The following TRPM3 variants were observed in gnomAD, a reference collection of about 807,000 sequenced individuals.
The protein encoded by TRPM3 is long transient receptor potential channel 3.
Under a neutral mutation model 181.2 loss-of-function variants are expected in TRPM3, and 77 were observed. The observed-to-expected ratio is 0.42, with a 90% confidence interval of 0.35 to 0.51. TRPM3 has a LOEUF of 0.51. Among genes scored for constraint, TRPM3 ranks in the 20% least tolerant of loss-of-function variants. The pLI is 0.01. For missense variants in TRPM3, 1,759 were observed against 2,196.7 expected (o/e 0.80, Z 3.98); for synonymous variants, 745 against 796.4 (o/e 0.94, Z 1.09).
intron 1 of TRPM3, among the ~76,000 whole-genome samples, chr9:71,006,725 G>A (rs1015743683): frequency 1.3e-5 from 2 of 151,972 alleles, no homozygotes; most frequent in Non-Finnish European, 2.9e-5. Context: ...CAAAAAATTA[G>A]CCGGGCGTGG....
intron 1 of TRPM3, among the ~76,000 whole-genome samples, chr9:70,997,307 T>G (rs1037292278): frequency 6.6e-6 from 1 of 152,206 alleles, no homozygotes; most frequent in Non-Finnish European, 1.5e-5. Flanking sequence ...CACGCTATTC[T>G]GCCTCAGCCT....
chr9:71,424,294 T>C (rs2093825681), intron 1 of TRPM3, among the ~76,000 whole-genome samples: 1 of 152,166 alleles, frequency 6.6e-6, no homozygotes, highest in African/African-American at 2.4e-5. Flanking sequence ...CAAGCCATTT[T>C]GCGGCACTTT....
chr9:71,096,995 G>T (rs1402118272), intron 1 of TRPM3, among the ~76,000 whole-genome samples: 1 of 152,086 alleles, frequency 6.6e-6, no homozygotes, highest in African/African-American at 2.4e-5. Flanking sequence ...CAGAGAAGAA[G>T]GTGGGGGAAG....
intron 1 of TRPM3, among the ~76,000 whole-genome samples, chr9:71,277,280 C>T (rs2084288880): frequency 6.6e-6 from 1 of 152,166 alleles, no homozygotes; most frequent in African/African-American, 2.4e-5. Context: ...CGTGCTCAAG[C>T]TTGTCTGAAA....
intron 1 of TRPM3, among the ~76,000 whole-genome samples, chr9:70,893,928 A>G (rs1053939965): frequency 1.3e-5 from 2 of 152,224 alleles, no homozygotes; most frequent in Non-Finnish European, 2.9e-5. Context: ...TGAGGTAAGC[A>G]CAAATTTCTT....
intron 1 of TRPM3, among the ~76,000 whole-genome samples, chr9:71,310,730 C>T (rs780098842): frequency 2.0e-5 from 3 of 152,066 alleles, no homozygotes; most frequent in Non-Finnish European, 2.9e-5. Context: ...TTGGCTAATA[C>T]AAATCAGTCT....
intron 6 of TRPM3, among the ~76,000 whole-genome samples, chr9:70,790,502 T>C (rs1356133238): frequency 6.6e-6 from 1 of 152,200 alleles, no homozygotes; most frequent in Non-Finnish European, 1.5e-5. Context: ...TTTTGTTGAT[T>C]TAAATGTCTG....
intron 1 of TRPM3, among the ~76,000 whole-genome samples, chr9:70,869,653 T>A (rs1445381303): frequency 2.0e-5 from 3 of 152,004 alleles, no homozygotes; most frequent in Admixed American, 2.0e-4. Context: ...TTCTAAAATG[T>A]CAATAATAAA....
chr9:71,129,604 T>C (rs1209116344), intron 1 of TRPM3, among the ~76,000 whole-genome samples: 1 of 152,194 alleles, frequency 6.6e-6, no homozygotes, highest in Admixed American at 6.5e-5. Context: ...ACGTGGGTGG[T>C]AAACGGACTT....
Position 71,047,905 on chromosome 9 carries a change from T to C in TRPM3, c.177+73273A>G, listed in dbSNP as rs145257106. Among the ~76,000 whole-genome samples, 7 of 151,654 alleles carry C rather than the reference T, an allele frequency of 4.6e-5. No homozygotes were observed. The East Asian group carries it at 1.4e-3, about 29-fold the overall frequency. On this transcript the variant is annotated intron_variant, in intron 1 of 25. Transcript: ENST00000677713. Reference sequence around the variant, plus strand: ...AAACGGTATGGTAAGAGCAGAGTCTTTGATTCTCTCATTTACCAGTGACTC... The same window carrying C: ...AAACGGTATGGTAAGAGCAGAGTCTCTGATTCTCTCATTTACCAGTGACTC...
intron 19 of TRPM3, among the ~76,000 whole-genome samples, chr9:70,605,764 T>A (rs1460143880): frequency 1.3e-5 from 2 of 152,230 alleles, no homozygotes; most frequent in Non-Finnish European, 2.9e-5. Context: ...TCCTTGTTGC[T>A]TCCTTCTCTT....
chr9:71,024,210 T>C (rs2097871487), intron 1 of TRPM3, among the ~76,000 whole-genome samples: 1 of 152,126 alleles, frequency 6.6e-6, no homozygotes, highest in Non-Finnish European at 1.5e-5. Flanking sequence ...CAAAATACTT[T>C]CTCAATAAAT....
At chr9:70,819,220 C>A (rs1224703076) in intron 6 of TRPM3, among the ~76,000 whole-genome samples, 1 of 152,158 alleles carries the variant, frequency 6.6e-6, no homozygotes, top group Non-Finnish European at 1.5e-5. Context: ...GGCCCCTCTC[C>A]CATGCCATTA....
At chr9:71,209,292 A>G (rs1587964476) in intron 1 of TRPM3, among the ~76,000 whole-genome samples, 1 of 151,164 alleles carries the variant, frequency 6.6e-6, no homozygotes, top group East Asian at 2.0e-4. Context: ...TGATTTTATG[A>G]GTTAAAACAT....
intron 8 of TRPM3, among the ~76,000 whole-genome samples, chr9:70,690,418 C>CTAT (rs2068177673): frequency 6.6e-6 from 1 of 151,982 alleles, no homozygotes; most frequent in South Asian, 2.1e-4. Flanking sequence ...GAAATATTTC[C>CTAT]TATTTTCCTA....
intron 24 of TRPM3, among the ~76,000 whole-genome samples, chr9:70,552,337 G>A (rs989185909): frequency 6.6e-5 from 10 of 152,186 alleles, no homozygotes; most frequent in African/African-American, 2.4e-4. Flanking sequence ...GAAGGTGGAT[G>A]GTGAAGGGTC....
intron 5 of TRPM3, among the ~76,000 whole-genome samples, chr9:70,835,272 T>C (rs1351205821): frequency 2.0e-5 from 3 of 151,734 alleles, no homozygotes; most frequent in Non-Finnish European, 4.4e-5. Context: ...TTTATAGCAA[T>C]GCAAGAATAT....
At chr9:70,776,387 G>C (rs554809166) in intron 7 of TRPM3, 1 of 698,288 alleles carries the variant, frequency 1.4e-6, no homozygotes, top group Admixed American at 2.2e-5. Flanking sequence ...TCAGCTGAGA[G>C]GACCGTCATT....
At chr9:70,788,249 A>G (rs1480111264) in intron 6 of TRPM3, among the ~76,000 whole-genome samples, 1 of 141,288 alleles carries the variant, frequency 7.1e-6, no homozygotes, top group Non-Finnish European at 1.5e-5. Flanking sequence ...ACCTTTATGG[A>G]TTCTTGAAAC....
Sources: gnomAD v4.1 joint callset for allele counts (sites outside exome capture counted in the v4.1 genomes callset) on GRCh38, gnomAD v4.1.1 for gene constraint, MANE v1.5 for transcripts, NCBI Gene and HGNC (gene_info 2026-07-23, HGNC 2026-07-21) for gene names.